ADD1: variants seen among roughly 807,000 people sequenced by gnomAD.
ADD1 encodes alpha-adducin.
A neutral mutation model predicts 80.5 loss-of-function variants in ADD1; 24 were observed. That is an observed-to-expected ratio of 0.30 (90% CI 0.22 to 0.42). The LOEUF is 0.42. Ranked by LOEUF, ADD1 falls within the 10% of genes least tolerant of loss-of-function variation. The probability of loss-of-function intolerance (pLI) is 1.00; values close to 1 mark genes in which losing one functional copy is unlikely to be tolerated. For synonymous variants in ADD1, 373 were observed against 393.8 expected (o/e 0.95, Z 0.63); for missense variants, 948 against 1,019.0 (o/e 0.93, Z 0.95).
intron 6 of ADD1, among the ~76,000 whole-genome samples, chr4:2,897,885 A>C (rs1320473190): frequency 6.6e-6 from 1 of 152,078 alleles, no homozygotes; most frequent in Non-Finnish European, 1.5e-5. Flanking sequence ...CTTGCACTAG[A>C]TGCAGTGCTC....
intron 12 of ADD1, chr4:2,908,857 C>A: frequency 1.9e-6 from 1 of 529,936 alleles, no homozygotes; most frequent in Non-Finnish European, 3.4e-6. Context: ...GAGGGTGGCA[C>A]ATACACCACC....
chr4:2,884,922 A>G (rs1490495620), intron 4 of ADD1, among the ~76,000 whole-genome samples: 2 of 152,230 alleles, frequency 1.3e-5, no homozygotes, highest in African/African-American at 2.4e-5. Context: ...ACCAGATTAT[A>G]TGCAGTTTCT....
At chr4:2,900,498 C>G (rs1735998188) in intron 9 of ADD1, 1 of 152,268 alleles carries the variant, frequency 6.6e-6, no homozygotes, top group Non-Finnish European at 1.5e-5. Flanking sequence ...ATGCTGCCAG[C>G]CAGTACTGGA....
intron 1 of ADD1, among the ~76,000 whole-genome samples, chr4:2,846,769 G>A (rs1227368571): frequency 6.7e-5 from 10 of 149,650 alleles, no homozygotes; most frequent in Non-Finnish European, 7.4e-5. Context: ...CTGGGAGGTC[G>A]AGGCTACAGT....
intron 1 of ADD1, among the ~76,000 whole-genome samples, chr4:2,874,616 AAAAG>A (rs774994310): frequency 4.6e-5 from 7 of 152,066 alleles, no homozygotes; most frequent in East Asian, 1.9e-4. Flanking sequence ...AAAAAAAAAA[AAAAG>A]AAAGAAATAC....
intron 14 of ADD1, among the ~76,000 whole-genome samples, chr4:2,921,020 A>AG (rs1313960513): frequency 6.6e-6 from 1 of 152,158 alleles, no homozygotes; most frequent in Non-Finnish European, 1.5e-5. Flanking sequence ...TGCTATTGTA[A>AG]GGCAGGCCTG....
intron 4 of ADD1, among the ~76,000 whole-genome samples, chr4:2,886,924 C>T (rs573872519): frequency 2.6e-4 from 39 of 152,294 alleles, no homozygotes; most frequent in African/African-American, 8.4e-4. Flanking sequence ...TGATTGGAAA[C>T]GTAACCCTAA....
chr4:2,891,774 T>C (rs1269670898), intron 4 of ADD1, among the ~76,000 whole-genome samples: 1 of 152,200 alleles, frequency 6.6e-6, no homozygotes, highest in Non-Finnish European at 1.5e-5. Flanking sequence ...TTAAGTGTTA[T>C]CTGACTTTGG....
At chr4:2,914,356 A>C (rs776979080) in intron 13 of ADD1, among the ~76,000 whole-genome samples, 2 of 152,184 alleles carry the variant, frequency 1.3e-5, no homozygotes, top group Non-Finnish European at 2.9e-5. Context: ...GCATGTTGTC[A>C]TCTCGGAATG....
intron 9 of ADD1, 199 bp downstream of exon 9, chr4:2,899,634 G>C (rs1421563722): frequency 1.6e-6 from 1 of 643,390 alleles, no homozygotes; most frequent in East Asian, 2.9e-5. Context: ...TCCTGGTATT[G>C]TTTTATTTTT....
chr4:2,853,889 C>T (rs954686307), intron 1 of ADD1, among the ~76,000 whole-genome samples: 3 of 152,124 alleles, frequency 2.0e-5, no homozygotes, highest in South Asian at 2.1e-4. Flanking sequence ...AAGGCGTGAG[C>T]GACCGCGTCT....
chr4:2,852,189 T>TCTTTCTTTCTTTCTTC (rs1553815101), intron 1 of ADD1, among the ~76,000 whole-genome samples: 2 of 50,752 alleles, frequency 3.9e-5, no homozygotes, highest in African/African-American at 6.9e-5. Flanking sequence ...TTTCTTTCTT[T>TCTTTCTTTCTTTCTTC]CTTTCTTTCC....
At chr4:2,852,319 TCTTTTCTTTC>T in intron 1 of ADD1, among the ~76,000 whole-genome samples, 5 of 146,008 alleles carry the variant, frequency 3.4e-5, no homozygotes, top group African/African-American at 7.6e-5. Context: ...TTTTTTCTTT[TCTTTTCTTTC>T]TTTTTTTTTT....
Position 2,899,241 on chromosome 4 carries a change from G to A in ADD1, c.985-18G>A, listed in dbSNP as rs1560213490. The A allele has an allele frequency of 1.3e-6, 2 of 1,599,056 alleles. No individual in the cohort carries two copies. The highest frequency in any genetic ancestry group is 1.7e-6 in the Non-Finnish European group (2 of 1,170,132). The stretch of plus-strand genomic sequence containing the variant: ...CTCAGTAAGGAACTCAAGCCATGCT[G>A]TGTGTGTTTTGGAAAAGGTTCGAAC... On this transcript the variant is annotated intron_variant, in intron 8 of 15. Coordinates refer to ENST00000683351, the MANE Select transcript of ADD1 (RefSeq NM_001354761.2).
Position 2,905,237 on chromosome 4 carries a change from G to A in ADD1, c.1506+129G>A, listed in dbSNP as rs555672884. 8.1e-5 allele frequency: 67 copies of A among 826,390 alleles called. 1 individual carries two copies. In the African/African-American group the frequency reaches 1.1e-3, roughly 13 times the overall value. 51.2% of individuals were successfully genotyped at this position (826,390 alleles called of 1,614,324 possible). A position where few individuals can be genotyped will look rare whatever the true frequency, so the allele number is the denominator to read the frequency against. Reference sequence around the variant, plus strand: ...GCGAACCTTCCTTATTCACTTTCTTGTAGTCTGAACCTAAGTCCACTGAAT... The same window carrying A: ...GCGAACCTTCCTTATTCACTTTCTTATAGTCTGAACCTAAGTCCACTGAAT... On this transcript the variant is annotated intron_variant, in intron 10 of 15. Coordinates refer to ENST00000683351, the MANE Select transcript of ADD1 (RefSeq NM_001354761.2).
intron 14 of ADD1, among the ~76,000 whole-genome samples, chr4:2,918,638 T>C (rs1360442952): frequency 6.6e-6 from 1 of 152,200 alleles, no homozygotes; most frequent in African/African-American, 2.4e-5. Context: ...CAGTATGATA[T>C]TGGCTGTGGG....
chr4:2,860,603 T>G (rs559693503), intron 1 of ADD1, among the ~76,000 whole-genome samples: 1 of 152,358 alleles, frequency 6.6e-6, no homozygotes, highest in East Asian at 1.9e-4. Flanking sequence ...ATTGAGAGAC[T>G]ATTACGTGAC....
chr4:2,872,176 A>T (rs1730558345), intron 1 of ADD1, among the ~76,000 whole-genome samples: 1 of 152,326 alleles, frequency 6.6e-6, no homozygotes, highest in Non-Finnish European at 1.5e-5. Flanking sequence ...TGGGCAGGCC[A>T]TACTTATTTG....
intron 1 of ADD1, among the ~76,000 whole-genome samples, chr4:2,855,515 C>T (rs190904120): frequency 1.4e-4 from 21 of 150,952 alleles, no homozygotes; most frequent in Non-Finnish European, 2.5e-4. Flanking sequence ...GCATATTTAA[C>T]GAAGTCTAAA....
Sources: allele counts gnomAD v4.1 joint callset (sites outside exome capture counted in the v4.1 genomes callset), GRCh38; gene constraint gnomAD v4.1.1; transcripts MANE v1.5; gene names NCBI Gene and HGNC (gene_info 2026-07-23, HGNC 2026-07-21).